The following SDK1 variants were observed in gnomAD, a reference collection of about 807,000 sequenced individuals.
SDK1 encodes sidekick cell adhesion molecule 1.
A neutral mutation model predicts 245.5 loss-of-function variants in SDK1; 157 were observed. That is an observed-to-expected ratio of 0.64 (90% confidence interval 0.56 to 0.73). The LOEUF (loss-of-function observed/expected upper bound fraction) is 0.73, where lower values mean the gene tolerates loss of function less well. Ranked by LOEUF, SDK1 falls within the 30% of genes least tolerant of loss-of-function variation. SDK1 has a pLI of 0.00. For synonymous variants in SDK1, 1,647 were observed against 1,278.5 expected (o/e 1.29, Z -6.15); for missense variants, 3,583 against 3,002.3 (o/e 1.19, Z -4.52).
At chr7:3,844,415 C>T (rs558907219) in intron 5 of SDK1, among the ~76,000 whole-genome samples, 22 of 152,166 alleles carry the variant, frequency 1.4e-4, no homozygotes, top group African/African-American at 5.3e-4. Context: ...TCCATCAGAC[C>T]CACCCTAAAT....
At chr7:3,917,958 C>T (rs1779443209) in intron 5 of SDK1, among the ~76,000 whole-genome samples, 1 of 152,194 alleles carries the variant, frequency 6.6e-6, no homozygotes, top group South Asian at 2.1e-4. Context: ...GCAGAAACCA[C>T]CTCTGTTGTA....
chr7:3,440,819 G>T (rs1285609659), intron 1 of SDK1, among the ~76,000 whole-genome samples: 1 of 152,178 alleles, frequency 6.6e-6, no homozygotes, highest in Non-Finnish European at 1.5e-5. Flanking sequence ...GCCACAATGT[G>T]TATTAAGTGC....
At chr7:3,874,227 C>T (rs1263992592) in intron 5 of SDK1, among the ~76,000 whole-genome samples, 1 of 152,196 alleles carries the variant, frequency 6.6e-6, no homozygotes, top group Non-Finnish European at 1.5e-5. Context: ...CTAGTGGAAT[C>T]ATGTGTTCAT....
intron 4 of SDK1, among the ~76,000 whole-genome samples, chr7:3,677,755 G>C (rs768600063): frequency 2.0e-5 from 3 of 152,184 alleles, no homozygotes; most frequent in Non-Finnish European, 4.4e-5. Flanking sequence ...TTACTATGTT[G>C]CTGTGGTAAA....
At chr7:3,501,406 C>G (rs1403424051) in intron 1 of SDK1, among the ~76,000 whole-genome samples, 1 of 151,168 alleles carries the variant, frequency 6.6e-6, no homozygotes, top group African/African-American at 2.4e-5. Flanking sequence ...AGGACAGTTT[C>G]AAAGTAGAAC....
chr7:3,852,772 AAAAAT>A (rs1277698461), intron 5 of SDK1, among the ~76,000 whole-genome samples: 2 of 148,154 alleles, frequency 1.3e-5, no homozygotes, highest in Non-Finnish European at 3.0e-5. Flanking sequence ...AAAAAAAAAA[AAAAAT>A]TTTTTTCCTT....
intron 37 of SDK1, among the ~76,000 whole-genome samples, chr7:4,208,719 A>G (rs1784368486): frequency 6.6e-6 from 1 of 152,190 alleles, no homozygotes; most frequent in Admixed American, 6.5e-5. Flanking sequence ...AGCGACGGGA[A>G]TTCCCCTGGG....
chr7:3,748,517 A>G (rs930130242), intron 4 of SDK1, among the ~76,000 whole-genome samples: 2 of 152,186 alleles, frequency 1.3e-5, no homozygotes, highest in South Asian at 2.1e-4. Context: ...TTCACTGTGT[A>G]TGTTTCCATT....
At chr7:3,332,108 A>C (rs114603027) in intron 1 of SDK1, among the ~76,000 whole-genome samples, 1 of 152,224 alleles carries the variant, frequency 6.6e-6, no homozygotes. Flanking sequence ...ATTTTCTTAA[A>C]AGTTAATATG....
chr7:3,657,766 C>T (rs892946355), intron 4 of SDK1, among the ~76,000 whole-genome samples: 1 of 152,080 alleles, frequency 6.6e-6, no homozygotes, highest in Non-Finnish European at 1.5e-5. Flanking sequence ...TATCTTTCTG[C>T]GAGACTACTC....
chr7:3,962,728 A>G lies in SDK1; in HGVS notation c.1306A>G (p.Lys436Glu). ...SISRLQNPRY[K>E]VLASGGLRIQ... is the part of the protein sequence containing the mutation. ...CAGCAGGCTCCAGAATCCTCGATAC[A>G]AAGTGCTCGCCAGCGGAGGCCTGCG... Residue 436 changes from lysine to glutamate, a missense_variant, in exon 9 of 45, where the codon AAA becomes GAA. By Grantham distance (56) the Lys-to-Glu change is moderately conservative. Transcript: ENST00000404826. 6.2e-7 allele frequency: 1 copy of G among 1,613,780 alleles called. No homozygotes were observed.
At chr7:3,431,036 G>C (rs1472021771) in intron 1 of SDK1, among the ~76,000 whole-genome samples, 2 of 152,188 alleles carry the variant, frequency 1.3e-5, no homozygotes, top group African/African-American at 2.4e-5. Context: ...GAATAGCTGA[G>C]ACTACAGGCA....
chr7:3,884,209 G>A (rs1377972474), intron 5 of SDK1, among the ~76,000 whole-genome samples: 2 of 151,914 alleles, frequency 1.3e-5, no homozygotes, highest in Admixed American at 1.3e-4. Context: ...GCCTCCGAAA[G>A]CATGGGGATT....
At chr7:4,195,129 G>C (rs1449886388) in intron 35 of SDK1, among the ~76,000 whole-genome samples, 1 of 152,200 alleles carries the variant, frequency 6.6e-6, no homozygotes, top group African/African-American at 2.4e-5. Flanking sequence ...GGAGCACAAA[G>C]TAATGTTTAC....
In SDK1 at chr7:4,137,564, C is replaced by T. The variant is rs535610403; in HGVS notation, c.4228+5141C>T. Among the ~76,000 whole-genome samples, 9 of 152,338 alleles carry T rather than the reference C, an allele frequency of 5.9e-5. No homozygotes were observed. In the South Asian group the frequency reaches 1.9e-3, roughly 32 times the overall value. Reference sequence around the variant, plus strand: ...CGTCTTCCAGGTGTATTCAGAAACCCACTCAGGCCTCTCACTTGATGTTTT... The same window carrying T: ...CGTCTTCCAGGTGTATTCAGAAACCTACTCAGGCCTCTCACTTGATGTTTT... On this transcript the variant is annotated intron_variant, in intron 28 of 44. Transcript: ENST00000404826.
At chr7:3,714,784 G>C (rs1286893050) in intron 4 of SDK1, among the ~76,000 whole-genome samples, 1 of 152,178 alleles carries the variant, frequency 6.6e-6, no homozygotes, top group Admixed American at 6.5e-5. Context: ...TTGTAGGACG[G>C]TTCATTTCCC....
At chr7:3,576,244 C>T (rs1780287052) in intron 1 of SDK1, among the ~76,000 whole-genome samples, 1 of 152,116 alleles carries the variant, frequency 6.6e-6, no homozygotes, top group Non-Finnish European at 1.5e-5. Context: ...ATGCTCATCA[C>T]CCCCAAATAG....
At chr7:4,163,513 A>G (rs634381) in intron 32 of SDK1, among the ~76,000 whole-genome samples, 47,943 of 152,090 alleles carry the variant, frequency 0.32, 10,825 homozygotes, top group African/African-American at 0.64. Context: ...AAACACAGCC[A>G]AGGCCACCAG....
At chr7:3,357,328 G>GTTTTTTTTTTTTTTTTTTTTT (rs560124026) in intron 1 of SDK1, among the ~76,000 whole-genome samples, 3 of 52,944 alleles carry the variant, frequency 5.7e-5, no homozygotes, top group Non-Finnish European at 7.1e-5. Context: ...TTCTTTTAGT[G>GTTTTTTTTTTTTTTTTTTTTT]TTTTTTTTTT....
Sources: allele counts gnomAD v4.1 joint callset (sites outside exome capture counted in the v4.1 genomes callset), GRCh38; gene constraint gnomAD v4.1.1; transcripts MANE v1.5; gene names NCBI Gene and HGNC (gene_info 2026-07-23, HGNC 2026-07-21).